UXS1: variants seen among roughly 807,000 people sequenced by gnomAD.
UXS1 encodes the protein UDP-glucuronic acid decarboxylase 1.
In UXS1, 33 loss-of-function variants were observed where a neutral mutation model predicts 62.6. The ratio of observed to expected loss-of-function variants is 0.53; its 90% CI spans 0.40 to 0.70. UXS1 has a LOEUF of 0.70. Among genes scored for constraint, UXS1 ranks in the 30% least tolerant of loss-of-function variants. The pLI is 0.00. For missense variants in UXS1, 434 were observed against 556.3 expected, an observed-to-expected ratio of 0.78 and a Z score of 2.21; for synonymous variants, 213 against 206.8, an observed-to-expected ratio of 1.03 and a Z score of -0.26.
chr2:106,163,524 TG>T, intron 4 of UXS1, 142 bp downstream of exon 4: 2 of 496,634 alleles, frequency 4.0e-6, no homozygotes, highest in Non-Finnish European at 7.2e-6. Context: ...ATGTTCTATC[TG>T]GGTATTACAC....
rs988036295 is a variant in UXS1, at chr2:106,093,759, C to A, written c.*267G>T. 1.5e-4 allele frequency: 55 copies of A among 371,740 alleles called. No individual in the cohort carries two copies. Among genetic ancestry groups the A allele is most frequent in the Non-Finnish European group, 2.3e-4 (49 of 211,720 alleles). The allele number at this position is 371,740 out of a possible 1,614,324, so 23.0% of individuals were successfully genotyped here. On this transcript the variant is annotated 3_prime_UTR_variant, in exon 15 of 15. Transcript: ENST00000283148. ...ACAGTCACAACATATGCTCTCACAG[C>A]AAGATAAAAAAACTTGAAAATACGC...
chr2:106,119,411 C>T (rs1285508830), intron 9 of UXS1, among the ~76,000 whole-genome samples: 2 of 152,174 alleles, frequency 1.3e-5, no homozygotes, highest in Non-Finnish European at 2.9e-5. Flanking sequence ...ATCCTCCCAT[C>T]TGTGAGATGG....
At position 106,098,923 on chromosome 2, in the gene UXS1, C is replaced by T. The variant is rs144598539; in HGVS notation, c.985-150G>A. On this transcript the variant is annotated intron_variant, in intron 12 of 14. Transcript: ENST00000283148. ...GAGCTCCGTGTGCCAGAGGGTACTC[C>T]GCTTCCAAGATGACAGTTACTCACC... 1.2e-3 allele frequency: 797 copies of T among 683,204 alleles called. 5 individuals are homozygous for T. The Middle Eastern group carries it at 0.02, about 17-fold the overall frequency. 42.3% of individuals were successfully genotyped at this position (683,204 alleles called of 1,614,324 possible).
At position 106,104,888 on chromosome 2, in the gene UXS1, C is replaced by T. The variant is rs1369798226; in HGVS notation, c.880-51G>A. On this transcript the variant is annotated intron_variant, in intron 10 of 14. Transcript: ENST00000283148. ...TCCTGATAAAACCACACCCGTCCTGCGTAGGTGTCCTTGAAACTCCAGGGG... is the reference window on the plus strand; with the variant it reads ...TCCTGATAAAACCACACCCGTCCTGTGTAGGTGTCCTTGAAACTCCAGGGG... 4.3e-6 allele frequency: 7 copies of T among 1,610,506 alleles called. No homozygotes were observed. The Admixed American group carries it at 6.7e-5, about 15-fold the overall frequency.
chr2:106,112,704 T>C lies in UXS1; in HGVS notation c.821A>G (p.Asn274Ser). 6.2e-7 allele frequency: 1 copy of C among 1,614,018 alleles called. No homozygotes were observed. Among genetic ancestry groups the C allele is most frequent in the Non-Finnish European group, 8.5e-7 (1 of 1,179,890 alleles). Residue 274 changes from asparagine to serine, a missense_variant, in exon 10 of 15, where the codon AAC becomes AGC. Asn to Ser is a conservative substitution (Grantham distance 46). This residue lies in a region of UXS1 where 209 missense variants were observed against 233.3 expected (regional missense o/e 0.90). Transcript: ENST00000283148. ...FNTFGPRMHM[N>S]DGRVVSNFIL... ...GAAGTTGCTGACTACTCGCCCATCG[T>C]TCATGTGCATGCGTGGCCCAAAGGT... is the stretch of plus-strand genomic sequence containing the variant.
Position 106,187,395 on chromosome 2 carries a change from A to C in UXS1, c.94+6753T>G, listed in dbSNP as rs145332542. Among the ~76,000 whole-genome samples the C allele has an allele frequency of 3.7e-3, 556 of 152,194 alleles. 4 individuals are homozygous for C. Among genetic ancestry groups the C allele is most frequent in the African/African-American group, 0.012 (512 of 41,498 alleles). On this transcript the variant is annotated intron_variant, in intron 1 of 14. Coordinates refer to ENST00000283148, the MANE Select transcript of UXS1 (RefSeq NM_001253875.2). ...CCCAGGGTCCTCTGGCGTCACAGTG[A>C]TATCTAACTTGCTGCACATCCTCCA...
At chr2:106,166,200 C>G in intron 1 of UXS1, 117 bp from the exon 2 acceptor site, 1 of 987,624 alleles carries the variant, frequency 1.0e-6, no homozygotes, top group South Asian at 1.7e-5. Context: ...AATTAACTTA[C>G]GAAGACAACA....
At chr2:106,191,557 C>T (rs1276489882) in intron 1 of UXS1, among the ~76,000 whole-genome samples, 1 of 152,354 alleles carries the variant, frequency 6.6e-6, no homozygotes, top group Admixed American at 6.5e-5. Context: ...TCAACCATGT[C>T]GTGGGCTGCA....
chr2:106,101,089 A>G lies in UXS1; in HGVS notation c.953T>C (p.Met318Thr). Reference protein sequence around the residue: ...SDLVNGLVALMNSNVSSPVNL... With the variant: ...SDLVNGLVALTNSNVSSPVNL... ...GACCGGGCTGCTGACGTTGCTGTTC[A>G]TGAGAGCCACGAGGCCATTCACTAG... The change falls in exon 12 of 15, where the codon ATG (methionine) becomes ACG (threonine). Residue 318 changes from methionine (M) to threonine (T), a missense_variant. Coordinates refer to ENST00000283148, the MANE Select transcript of UXS1 (RefSeq NM_001253875.2). The G allele has an allele frequency of 6.2e-7, 1 of 1,613,928 alleles. No individual in the cohort carries two copies.
At chr2:106,120,891 C>T (rs548954567) in intron 9 of UXS1, among the ~76,000 whole-genome samples, 43 of 152,344 alleles carry the variant, frequency 2.8e-4, no homozygotes, top group African/African-American at 9.6e-4. Context: ...ACAGGGTTCA[C>T]GTCAGGGATG....
chr2:106,185,782 C>T (rs1393761738), intron 1 of UXS1, among the ~76,000 whole-genome samples: 3 of 152,082 alleles, frequency 2.0e-5, no homozygotes, highest in Non-Finnish European at 4.4e-5. Context: ...ATAAGAAACA[C>T]CCAGGAGAGA....
chr2:106,131,257 G>A (rs1183248453), intron 6 of UXS1, among the ~76,000 whole-genome samples: 4 of 148,444 alleles, frequency 2.7e-5, no homozygotes, highest in South Asian at 2.3e-4. Context: ...AGGGTCCTAC[G>A]CCCATGGAAT....
chr2:106,095,118 TAAATTCCAG>T (rs1283911311), intron 14 of UXS1, among the ~76,000 whole-genome samples: 1 of 152,330 alleles, frequency 6.6e-6, no homozygotes, highest in East Asian at 1.9e-4. Flanking sequence ...ATTATAGGTC[TAAATTCCAG>T]AAAGATAAAG....
At chr2:106,164,995 T>G (rs1299593328) in intron 2 of UXS1, among the ~76,000 whole-genome samples, 196 bp from the exon 3 acceptor site, 1 of 152,208 alleles carries the variant, frequency 6.6e-6, no homozygotes, top group East Asian at 1.9e-4. Context: ...TAAATCCATC[T>G]GTGAACATGC....
intron 1 of UXS1, among the ~76,000 whole-genome samples, chr2:106,193,558 G>A (rs540081732): frequency 6.6e-6 from 1 of 152,052 alleles, no homozygotes; most frequent in East Asian, 2.0e-4. Flanking sequence ...CGGCCGCCGA[G>A]CCCCGGGGGA....
At position 106,112,761 on chromosome 2, in the gene UXS1, C is replaced by T; in HGVS notation, c.764G>A (p.Gly255Asp). The T allele has an allele frequency of 6.2e-7, 1 of 1,613,550 alleles. No homozygotes were observed. The change falls in exon 10 of 15, where the codon GGC becomes GAC. Residue 255 changes from glycine to aspartate, a missense_variant. Around this residue, in one of 3 missense-constraint regions of UXS1, gnomAD observed 209 missense variants for 233.3 expected, o/e 0.90. Coordinates refer to ENST00000283148, the MANE Select transcript of UXS1 (RefSeq NM_001253875.2). ...TMCYAYMKQE[G>D]VEVRVARIFN... ...GATTCTGGCCACTCGCACTTCCACG[C>T]CTTCCTGGAACAGAGAGAAGAGGAG... is the stretch of plus-strand genomic sequence containing the variant.
At chr2:106,182,916 T>G (rs1304517761) in intron 1 of UXS1, among the ~76,000 whole-genome samples, 1 of 152,070 alleles carries the variant, frequency 6.6e-6, no homozygotes, top group South Asian at 2.1e-4. Flanking sequence ...ATTAAGAACC[T>G]AGGATAGAAA....
At chr2:106,182,091 A>G (rs1684281161) in intron 1 of UXS1, among the ~76,000 whole-genome samples, 1 of 152,218 alleles carries the variant, frequency 6.6e-6, no homozygotes, top group Non-Finnish European at 1.5e-5. Flanking sequence ...TTTGATGGAA[A>G]TACACTTCAC....
Position 106,111,184 on chromosome 2 carries a change from G to A in UXS1, c.879+1462C>T, listed in dbSNP as rs552963120. On this transcript the variant is annotated intron_variant, in intron 10 of 14. Transcript: ENST00000283148. ...AATAAATAGGGGTGGGGCGGCAGCA[G>A]TGTAGACCAGGGACTGGAGTCTGGA... 1.7e-3 allele frequency among the ~76,000 whole-genome samples: 260 copies of A among 152,344 alleles called. 4 individuals carry two copies. Among genetic ancestry groups the A allele is most frequent in the Admixed American group, 5.1e-3 (78 of 15,310 alleles).
Sources: gnomAD v4.1 joint callset for allele counts (sites outside exome capture counted in the v4.1 genomes callset) on GRCh38, gnomAD v4.1.1 for gene constraint, gnomAD v4.1.1 regional missense constraint, MANE v1.5 for transcripts, NCBI Gene and HGNC (gene_info 2026-07-23, HGNC 2026-07-21) for gene names.